The following ATXN2 variants were observed in gnomAD, a reference collection of about 807,000 sequenced individuals.
ATXN2 encodes ataxin-2.
In ATXN2, 37 loss-of-function variants were observed where a neutral mutation model predicts 138.6. The observed-to-expected ratio is 0.27, with a 90% CI of 0.21 to 0.35. The LOEUF is 0.35. ATXN2 is among the 10% of genes least tolerant of loss of function. The pLI is 1.00. For synonymous variants in ATXN2, 549 were observed against 543.7 expected, an observed-to-expected ratio of 1.01 and a Z score of -0.13; for missense variants, 1,216 against 1,480.3, an observed-to-expected ratio of 0.82 and a Z score of 2.93.
At chr12:111,553,673 T>C (rs1381899015) in intron 3 of ATXN2, among the ~76,000 whole-genome samples, 1 of 143,666 alleles carries the variant, frequency 7.0e-6, no homozygotes, top group Non-Finnish European at 1.5e-5. Flanking sequence ...TTATCTCAGC[T>C]CAGTGAAACC....
chr12:111,597,959 A>G lies in ATXN2; in HGVS notation c.251+825T>C, dbSNP rs1885019292. 2.4e-6 allele frequency: 3 copies of G among 1,234,454 alleles called. No individual in the cohort carries two copies. The South Asian group carries it at 4.1e-5, about 17-fold the overall frequency. The allele number at this position is 1,234,454 out of a possible 1,614,324, so 76.5% of individuals were successfully genotyped here. ...TTCTCCACTGCGGCCTCGAACAGCA[A>G]TGCGGATCGGCCACCACCCGCGCGC... On this transcript the variant is annotated intron_variant, in intron 1 of 24. Coordinates refer to ENST00000673436, the MANE Select transcript of ATXN2 (RefSeq NM_001372574.1).
intron 1 of ATXN2, among the ~76,000 whole-genome samples, chr12:111,580,044 G>A (rs1883907572): frequency 6.6e-6 from 1 of 152,034 alleles, no homozygotes; most frequent in Admixed American, 6.6e-5. Flanking sequence ...GAACTCCTGG[G>A]CTCCAGCGAT....
rs1484481225 is a variant in ATXN2 at position 111,598,915 on chromosome 12, G to A, written c.120C>T (p.Gly40=). The A allele has an allele frequency of 9.9e-6, 15 of 1,509,512 alleles. No individual in the cohort carries two copies. Among genetic ancestry groups the A allele is most frequent in the Admixed American group, 2.1e-5 (1 of 48,508 alleles). The allele number at this position is 1,509,512 out of a possible 1,614,324, so 93.5% of individuals were successfully genotyped here. The change falls in exon 1 of 25, where the codon GGC becomes GGT. Residue 40 remains glycine, a synonymous_variant. Transcript: ENST00000673436. The surrounding 1 kb of genome is among the most constrained non-coding windows in gnomAD (Gnocchi z 4.5). ...PPAAANVRKP[G]GSGLLASPAA... ...CGGGCGACGCTAGAAGGCCGCTGCCGCCGGGCTTGCGGACATTGGCAGCCG... is the reference window on the plus strand; with the variant it reads ...CGGGCGACGCTAGAAGGCCGCTGCCACCGGGCTTGCGGACATTGGCAGCCG...
chr12:111,565,380 T>A (rs893005432), intron 1 of ATXN2, among the ~76,000 whole-genome samples: 1 of 152,200 alleles, frequency 6.6e-6, no homozygotes, highest in Non-Finnish European at 1.5e-5. Context: ...CTCACAATAT[T>A]TTCAAACTTT....
intron 14 of ATXN2, among the ~76,000 whole-genome samples, chr12:111,501,703 C>G (rs1465558533): frequency 6.6e-6 from 1 of 152,142 alleles, no homozygotes; most frequent in Non-Finnish European, 1.5e-5. Flanking sequence ...GAACTTACTA[C>G]TTAAACTTTC....
At chr12:111,584,722 T>A (rs963828919) in intron 1 of ATXN2, among the ~76,000 whole-genome samples, 1 of 151,884 alleles carries the variant, frequency 6.6e-6, no homozygotes, top group Non-Finnish European at 1.5e-5. Flanking sequence ...CCCCAGCACT[T>A]TGGGAGGCCG....
chr12:111,561,604 C>T (rs1882689591), intron 1 of ATXN2, among the ~76,000 whole-genome samples: 1 of 152,060 alleles, frequency 6.6e-6, no homozygotes, highest in Non-Finnish European at 1.5e-5. Context: ...GAGGCCAAGG[C>T]GGGTGGATCA....
chr12:111,563,458 T>G (rs964113530), intron 1 of ATXN2, among the ~76,000 whole-genome samples: 1 of 152,172 alleles, frequency 6.6e-6, no homozygotes, highest in Non-Finnish European at 1.5e-5. Context: ...TTTTGACAAC[T>G]GTACTGTGGT....
chr12:111,558,117 T>TA (rs1373403122), intron 1 of ATXN2, among the ~76,000 whole-genome samples: 1 of 152,072 alleles, frequency 6.6e-6, no homozygotes, highest in African/African-American at 2.4e-5. Flanking sequence ...TATTATCATA[T>TA]AAAAAAACAG....
intron 15 of ATXN2, 113 bp downstream of exon 15, chr12:111,488,363 T>C: frequency 8.9e-7 from 1 of 1,123,394 alleles, no homozygotes; most frequent in Non-Finnish European, 1.3e-6. Flanking sequence ...GGGCAATGTA[T>C]AAAGTAGTCT....
chr12:111,506,026 A>G (rs1879084357), intron 14 of ATXN2, among the ~76,000 whole-genome samples: 1 of 152,246 alleles, frequency 6.6e-6, no homozygotes, highest in African/African-American at 2.4e-5. Context: ...GAAATGAAGT[A>G]CTGAAACATG....
chr12:111,546,989 C>T (rs1410654909), intron 5 of ATXN2, among the ~76,000 whole-genome samples: 4 of 152,196 alleles, frequency 2.6e-5, no homozygotes, highest in Non-Finnish European at 4.4e-5. Context: ...CCAAAGGAAA[C>T]TTATTCACTG....
rs115366589 is a variant in ATXN2, at chr12:111,479,916, C to G, written c.2524+5349G>C. Among the ~76,000 whole-genome samples the G allele has an allele frequency of 7.7e-3, 1,120 of 145,872 alleles. 16 individuals are homozygous for G. Among genetic ancestry groups the G allele is most frequent in the African/African-American group, 0.027 (1,076 of 39,398 alleles). On this transcript the variant is annotated intron_variant, in intron 18 of 24. Coordinates refer to ENST00000673436, the MANE Select transcript of ATXN2 (RefSeq NM_001372574.1). ...GGCTCACATCTGTAATCCTAGCACT[C>G]TGGGAGGCTGAGGTGAGCTCAAGAG...
At chr12:111,536,749 G>A (rs1881200180) in intron 5 of ATXN2, among the ~76,000 whole-genome samples, 1 of 150,126 alleles carries the variant, frequency 6.7e-6, no homozygotes, top group Non-Finnish European at 1.5e-5. Flanking sequence ...ACACCCCCAT[G>A]AGAATTGAAA....
chr12:111,530,587 G>C (rs1880764558), intron 5 of ATXN2, among the ~76,000 whole-genome samples: 1 of 152,220 alleles, frequency 6.6e-6, no homozygotes, highest in Non-Finnish European at 1.5e-5. Flanking sequence ...GGCCCAGTCA[G>C]GCAGATCACG....
At chr12:111,475,859 C>T (rs977633618) in intron 18 of ATXN2, among the ~76,000 whole-genome samples, 15 of 152,024 alleles carry the variant, frequency 9.9e-5, no homozygotes, top group Non-Finnish European at 1.9e-4. Flanking sequence ...AATTCAACCA[C>T]AAAAAGACAC....
intron 18 of ATXN2, chr12:111,471,018 T>C: frequency 2.4e-6 from 1 of 425,328 alleles, no homozygotes; most frequent in Non-Finnish European, 4.4e-6. Flanking sequence ...CTTTCTCTCA[T>C]GGCCCTCAGA....
chr12:111,580,995 G>A (rs903145569), intron 1 of ATXN2, among the ~76,000 whole-genome samples: 12 of 151,782 alleles, frequency 7.9e-5, no homozygotes, highest in African/African-American at 2.2e-4. Context: ...AAACCTAGCC[G>A]GCTGTGGTGG....
chr12:111,453,845 C>T lies in ATXN2; in HGVS notation c.3271G>A (p.Ala1091Thr), dbSNP rs576796157. Residue 1091 changes from alanine to threonine, a missense_variant and splice_region_variant, in exon 24 of 25, where the codon GCT (alanine) becomes ACT (threonine). Ala to Thr is a moderately conservative substitution (Grantham distance 58). Around this residue, in one of 4 missense-constraint regions of ATXN2, gnomAD observed 490 missense variants for 653.5 expected, o/e 0.75. Coordinates refer to ENST00000673436, the MANE Select transcript of ATXN2 (RefSeq NM_001372574.1). The surrounding 1 kb of genome is among the most constrained non-coding windows in gnomAD (Gnocchi z 5.4). ...GGAACCATTCCTGACTGTACATGAG[C>T]CTGAAACAGAGAGCTCTTTTACGCA... The part of the protein sequence containing the change: ...NPPHMAHVPQ[A>T]HVQSGMVPSH... 2 of 1,604,410 alleles carry T rather than the reference C, an allele frequency of 1.2e-6. No homozygotes were observed. The highest frequency in any genetic ancestry group is 1.7e-6 in the Non-Finnish European group (2 of 1,174,478).
Sources: gnomAD v4.1 joint callset for allele counts (sites outside exome capture counted in the v4.1 genomes callset) on GRCh38, gnomAD v4.1.1 for gene constraint, gnomAD v4.1.1 regional missense constraint, Gnocchi (gnomAD v3.1) non-coding constraint, MANE v1.5 for transcripts, NCBI Gene and HGNC (gene_info 2026-07-23, HGNC 2026-07-21) for gene names.